POR: variants seen among roughly 807,000 people sequenced by gnomAD.
POR encodes NADPH--cytochrome P450 reductase.
A neutral mutation model predicts 84.0 loss-of-function variants in POR; 56 were observed. That is an observed-to-expected ratio of 0.67 (90% CI 0.54 to 0.83). The LOEUF (loss-of-function observed/expected upper bound fraction) is 0.83, where lower values mean the gene tolerates loss of function less well. Ranked by LOEUF, POR falls within the 40% of genes least tolerant of loss-of-function variation. The probability of loss-of-function intolerance (pLI) is 0.00; values close to 1 mark genes in which losing one functional copy is unlikely to be tolerated. For synonymous variants in POR, 414 were observed against 400.5 expected, an observed-to-expected ratio of 1.03 and a Z score of -0.40; for missense variants, 938 against 944.3, an observed-to-expected ratio of 0.99 and a Z score of 0.09.
At chr7:75,966,006 C>T (rs1332662258) in intron 2 of POR, among the ~76,000 whole-genome samples, 1 of 152,168 alleles carries the variant, frequency 6.6e-6, no homozygotes, top group Non-Finnish European at 1.5e-5. Flanking sequence ...CCACTGGGCC[C>T]TGGAGCTTTC....
chr7:75,982,168 C>G, intron 7 of POR, 56 bp from the exon 8 acceptor site: 1 of 1,395,864 alleles, frequency 7.2e-7, no homozygotes, highest in Non-Finnish European at 1.0e-6. Context: ...CAACCCCTCC[C>G]TCTCGGGACT....
chr7:75,981,738 C>T, intron 7 of POR, 132 bp downstream of exon 7: 1 of 766,358 alleles, frequency 1.3e-6, no homozygotes, highest in South Asian at 1.9e-5. Context: ...CGAGGAGGGA[C>T]CTTGGTCCCA....
chr7:75,934,164 T>TGTGTGTCTTAG (rs1554550495), intron 1 of POR, among the ~76,000 whole-genome samples: 1 of 147,938 alleles, frequency 6.8e-6, no homozygotes, highest in African/African-American at 2.6e-5. Flanking sequence ...TGTGTGTGTG[T>TGTGTGTCTTAG]GTGTGTGTCT....
At chr7:75,917,119 G>A (rs1441532324) in intron 1 of POR, among the ~76,000 whole-genome samples, 1 of 151,690 alleles carries the variant, frequency 6.6e-6, no homozygotes, top group South Asian at 2.1e-4. Context: ...GCAGGCTGGA[G>A]TGCAGTGGCG....
Position 75,980,310 on chromosome 7 carries a change from G to A in POR, c.367-29G>A, listed in dbSNP as rs199911408. On this transcript the variant is annotated intron_variant, in intron 4 of 15. Coordinates refer to ENST00000461988, the MANE Select transcript of POR (RefSeq NM_000941.3). ...ACCTTGAACAGGCTCAGTCATGGCC[G>A]GGGCGCGGTCCTGTCCCTGTTTCTG... 74 of 1,602,956 alleles carry A rather than the reference G, an allele frequency of 4.6e-5. No homozygotes were observed. In the Middle Eastern group the frequency reaches 6.6e-4, roughly 14 times the overall value.
Position 75,986,553 on chromosome 7 carries a change from C to T in POR, c.*72C>T, listed in dbSNP as rs568310575. 1 of 1,539,168 alleles carries T rather than the reference C, an allele frequency of 6.5e-7. No individual in the cohort carries two copies. On this transcript the variant is annotated 3_prime_UTR_variant, in exon 16 of 16. Coordinates refer to ENST00000461988, the MANE Select transcript of POR (RefSeq NM_000941.3). ...CTCTCCTGGCTCCCTCCCGTAGTCT[C>T]CTGGGTGTGTTTGGCTTGGCCTTGG...
rs1310122692 is a variant in POR at position 75,933,388 on chromosome 7, T to G, written c.-5+18209T>G. Among the ~76,000 whole-genome samples the G allele has an allele frequency of 8.9e-4, 81 of 90,738 alleles. 2 individuals are homozygous for G. In the South Asian group the frequency reaches 0.012, roughly 14 times the overall value. 59.5% of individuals were successfully genotyped at this position (90,738 alleles called of 152,430 possible). On this transcript the variant is annotated intron_variant, in intron 1 of 15. Transcript: ENST00000461988. ...ACAATAGGTCTTTGTTTTTTTTTTT[T>G]TTTTTTTTTTTTTTTTTTGAGCGGA...
chr7:75,942,965 T>C (rs1380297190), intron 1 of POR, among the ~76,000 whole-genome samples: 1 of 151,544 alleles, frequency 6.6e-6, no homozygotes, highest in Non-Finnish European at 1.5e-5. Flanking sequence ...TTTTTTTTTT[T>C]TATTGAGATG....
At chr7:75,977,287 G>T (rs2116566789) in intron 3 of POR, among the ~76,000 whole-genome samples, 1 of 152,328 alleles carries the variant, frequency 6.6e-6, no homozygotes. Flanking sequence ...GGAGCAGGTT[G>T]GTCTCTAAGA....
chr7:75,981,115 T>C lies in POR; in HGVS notation c.584T>C (p.Leu195Pro). The C allele has an allele frequency of 6.4e-7, 1 of 1,564,980 alleles. No homozygotes were observed. Among genetic ancestry groups the C allele is most frequent in the Non-Finnish European group, 8.7e-7 (1 of 1,155,828 alleles). ...ATGGGCAAGTACGTGGACAAGCGGC[T>C]GGAGCAGCTCGGCGCCCAGCGCATC... Residue 195 changes from leucine (L) to proline (P), a missense_variant, in exon 6 of 16, where the codon CTG (leucine) becomes CCG (proline). By Grantham distance (98) the Leu-to-Pro change is moderately conservative (BLOSUM62 -3). Coordinates refer to ENST00000461988, the MANE Select transcript of POR (RefSeq NM_000941.3).
intron 3 of POR, among the ~76,000 whole-genome samples, chr7:75,974,454 A>T (rs1308094389): frequency 2.0e-5 from 3 of 149,868 alleles, no homozygotes; most frequent in Admixed American, 2.0e-4. Flanking sequence ...TTACATTTTT[A>T]TGAATGAGAT....
intron 2 of POR, chr7:75,967,952 C>T (rs1788257558): frequency 9.3e-6 from 4 of 429,178 alleles, no homozygotes; most frequent in Non-Finnish European, 1.4e-5. Context: ...CGGGCCCAGG[C>T]AACTTCCTCA....
At position 75,983,514 on chromosome 7, in the gene POR, AC is replaced by A. The variant is rs782225898; in HGVS notation, c.831-3del. On this transcript the variant is annotated splice_polypyrimidine_tract_variant and splice_region_variant and intron_variant, in intron 8 of 15. Coordinates refer to ENST00000461988, the MANE Select transcript of POR (RefSeq NM_000941.3). The stretch of plus-strand genomic sequence containing the variant: ...CGCTCACTGTGCTTCTCTCCTCCCC[AC>A]CCAGCCCCTTTGATGCCAAGAATCC... 1 of 1,608,734 alleles carries A rather than the reference AC, an allele frequency of 6.2e-7. No homozygotes were observed. The highest frequency in any genetic ancestry group is 8.5e-7 in the Non-Finnish European group (1 of 1,176,410).
At chr7:75,983,987 C>T (rs1425430191) in intron 10 of POR, 131 bp downstream of exon 10, 1 of 714,742 alleles carries the variant, frequency 1.4e-6, no homozygotes, top group African/African-American at 1.8e-5. Flanking sequence ...ACCGAGACTC[C>T]ACGGTTACAG....
At chr7:75,958,370 G>A (rs993284645) in intron 2 of POR, among the ~76,000 whole-genome samples, 1 of 151,910 alleles carries the variant, frequency 6.6e-6, no homozygotes, top group African/African-American at 2.4e-5. Context: ...TGCCTGCCTC[G>A]GCCTCCCAAA....
At chr7:75,981,312 TCTGCCCTGCCC>T in intron 6 of POR, 140 bp downstream of exon 6, 2 of 1,344,520 alleles carry the variant, frequency 1.5e-6, no homozygotes, top group South Asian at 1.5e-5. Context: ...CTCTCCTGCC[TCTGCCCTGCCC>T]CTGCCAGTTT....
chr7:75,940,465 G>T, intron 1 of POR, among the ~76,000 whole-genome samples: 1 of 151,962 alleles, frequency 6.6e-6, no homozygotes. Context: ...ATTAGAAATG[G>T]GTGAGAGACT....
Position 75,951,861 on chromosome 7 carries a change from C to T in POR, c.-4-2128C>T, listed in dbSNP as rs571909343. On this transcript the variant is annotated intron_variant, in intron 1 of 15. Coordinates refer to ENST00000461988, the MANE Select transcript of POR (RefSeq NM_000941.3). ...CATGTCACGTCTGCCTACCAGGTGT[C>T]GTTGGTGGAAGGACCAGTTGAGCAT... Among the ~76,000 whole-genome samples, 282 of 152,390 alleles carry T rather than the reference C, an allele frequency of 1.9e-3. 5 individuals are homozygous for T. The highest frequency in any genetic ancestry group is 3.4e-3 in the Middle Eastern group (1 of 292).
At chr7:75,938,877 C>T (rs1463714370) in intron 1 of POR, among the ~76,000 whole-genome samples, 2 of 152,228 alleles carry the variant, frequency 1.3e-5, no homozygotes, top group African/African-American at 2.4e-5. Context: ...CTCTGGTACA[C>T]GCTTCCTCTA....
Sources: allele counts gnomAD v4.1 joint callset (sites outside exome capture counted in the v4.1 genomes callset), GRCh38; gene constraint gnomAD v4.1.1; transcripts MANE v1.5; gene names NCBI Gene and HGNC (gene_info 2026-07-23, HGNC 2026-07-21).